Variants in DNAH8 observed in about 807,000 individuals in gnomAD.
DNAH8 encodes the protein axonemal beta dynein heavy chain 8.
In DNAH8, 382 loss-of-function variants were observed where a neutral mutation model predicts 562.1. That is an observed-to-expected ratio of 0.68 (90% CI 0.63 to 0.74). The LOEUF (loss-of-function observed/expected upper bound fraction) is 0.74, where lower values mean the gene tolerates loss of function less well. DNAH8 is among the 30% of genes least tolerant of loss of function. DNAH8 has a pLI of 0.00. For synonymous variants in DNAH8, 1,881 were observed against 1,919.4 expected, an observed-to-expected ratio of 0.98 and a Z score of 0.52; for missense variants, 5,203 against 5,620.4, an observed-to-expected ratio of 0.93 and a Z score of 2.37.
At chr6:38,769,129 T>C (rs72849152) in intron 11 of DNAH8, among the ~76,000 whole-genome samples, 18,653 of 152,214 alleles carry the variant, frequency 0.12, 1,392 homozygotes, top group Admixed American at 0.22. Flanking sequence ...GTATACTTTT[T>C]AGGAATAATT....
Position 38,815,614 on chromosome 6 carries a change from C to T in DNAH8, c.3480C>T (p.Asp1160=), listed in dbSNP as rs139961123. The change falls in exon 26 of 93, where the codon GAC becomes GAT. Residue 1160 remains aspartate, a synonymous_variant. Coordinates refer to ENST00000327475, the MANE Select transcript of DNAH8 (RefSeq NM_001206927.2). ...TCATTCCCAGCCCCACCACTACTGA[C>T]GTGACCCATCAAAACACAGGAAAAC... The part of the protein sequence containing the change: ...KSVIPSPTTT[D]VTHQNTGKLL... 5.3e-5 allele frequency: 86 copies of T among 1,613,730 alleles called. No homozygotes were observed. The East Asian group carries it at 1.2e-3, about 23-fold the overall frequency.
At chr6:38,745,874 A>G (rs1764884837) in intron 8 of DNAH8, among the ~76,000 whole-genome samples, 1 of 152,146 alleles carries the variant, frequency 6.6e-6, no homozygotes, top group Admixed American at 6.5e-5. Context: ...GCCAGAGTTG[A>G]TGTGCTCTTC....
rs1212860164 is a variant in DNAH8, at chr6:38,734,328, C to CA, written c.611-146_611-145insA. On this transcript the variant is annotated intron_variant, in intron 4 of 92. Coordinates refer to ENST00000327475, the MANE Select transcript of DNAH8 (RefSeq NM_001206927.2). ...TAATTATTGGCATCTTCTAGTAGAC[C>CA]CCCCCCCAAAAAAATTATTCTATGA... 23 of 597,528 alleles carry CA rather than the reference C, an allele frequency of 3.8e-5. 2 individuals carry two copies. The highest frequency in any genetic ancestry group is 1.1e-3 in the Middle Eastern group (2 of 1,824). 37.0% of individuals were successfully genotyped at this position (597,528 alleles called of 1,614,324 possible).
At position 38,923,516 on chromosome 6, in the gene DNAH8, G is replaced by C. The variant is rs1224722902; in HGVS notation, c.10790+331G>C. ...ATGGTTTGTTGTGGATCAATGGTTTGTTGTAAATGCAAGGCTGTCTTCTGC... is the reference window on the plus strand; with the variant it reads ...ATGGTTTGTTGTGGATCAATGGTTTCTTGTAAATGCAAGGCTGTCTTCTGC... On this transcript the variant is annotated intron_variant, in intron 72 of 92. Coordinates refer to ENST00000327475, the MANE Select transcript of DNAH8 (RefSeq NM_001206927.2). 5 of 192,382 alleles carry C rather than the reference G, an allele frequency of 2.6e-5. No homozygotes were observed. The East Asian group carries it at 6.7e-4, about 26-fold the overall frequency. The allele number at this position is 192,382 out of a possible 1,614,324, so 11.9% of individuals were successfully genotyped here.
At chr6:38,728,424 T>C (rs1763401185) in intron 3 of DNAH8, among the ~76,000 whole-genome samples, 1 of 97,562 alleles carries the variant, frequency 1.0e-5, no homozygotes, top group Non-Finnish European at 2.9e-5. Flanking sequence ...GATCTCACAT[T>C]TACTTTGCTA....
At chr6:38,926,904 G>A (rs1170207234) in intron 74 of DNAH8, among the ~76,000 whole-genome samples, 1 of 152,118 alleles carries the variant, frequency 6.6e-6, no homozygotes, top group Non-Finnish European at 1.5e-5. Context: ...TGTGTCCCCA[G>A]CTCAATATAA....
At chr6:38,906,128 C>G in intron 62 of DNAH8, 126 bp from the exon 63 acceptor site, 2 of 481,012 alleles carry the variant, frequency 4.2e-6, no homozygotes, top group Non-Finnish European at 7.4e-6. Flanking sequence ...AGGATGGTCT[C>G]GATCTCCTGA....
intron 8 of DNAH8, chr6:38,744,390 A>T (rs915781800): frequency 2.6e-5 from 4 of 152,154 alleles, no homozygotes; most frequent in Non-Finnish European, 5.9e-5. Flanking sequence ...ATCTCATTAA[A>T]AAAACTAAAA....
intron 41 of DNAH8, among the ~76,000 whole-genome samples, chr6:38,854,580 A>G (rs1776035316): frequency 6.6e-6 from 1 of 152,196 alleles, no homozygotes; most frequent in East Asian, 1.9e-4. Flanking sequence ...TAGTATTCTT[A>G]TTAGCATTAT....
At chr6:38,897,742 C>T (rs1457882650) in intron 60 of DNAH8, among the ~76,000 whole-genome samples, 4 of 152,080 alleles carry the variant, frequency 2.6e-5, no homozygotes, top group African/African-American at 7.2e-5. Flanking sequence ...GATTGGACCA[C>T]TGCACTCCAG....
intron 79 of DNAH8, among the ~76,000 whole-genome samples, chr6:38,942,904 G>A (rs1783577592): frequency 6.6e-6 from 1 of 152,230 alleles, no homozygotes; most frequent in Non-Finnish European, 1.5e-5. Flanking sequence ...AAGAGGGTGG[G>A]TAAACCAGAG....
rs878854276 is a variant in DNAH8, at chr6:38,911,592, AGGAAT to A, written c.9859+19_9859+23del. On this transcript the variant is annotated splice_region_variant and intron_variant, in intron 66 of 92. Coordinates refer to ENST00000327475, the MANE Select transcript of DNAH8 (RefSeq NM_001206927.2). ...GGCTGAACGTATGAATATTGGTAAG[AGGAAT>A]GGAATGGAATGGGATGGAATAGAAA... 6.8e-4 allele frequency: 1,056 copies of A among 1,554,786 alleles called. 12 individuals carry two copies. Among genetic ancestry groups the A allele is most frequent in the Admixed American group, 5.7e-4 (34 of 59,858 alleles).
At position 38,961,945 on chromosome 6, in the gene DNAH8, G is replaced by A. The variant is rs561252649; in HGVS notation, c.12452-9647G>A. ...TAACAAAAAATACAAATGAATCAAC[G>A]GAAAAACTATTAGACTTAATAGTCT... On this transcript the variant is annotated intron_variant, in intron 82 of 92. Coordinates refer to ENST00000327475, the MANE Select transcript of DNAH8 (RefSeq NM_001206927.2). Among the ~76,000 whole-genome samples the A allele has an allele frequency of 5.7e-4, 86 of 151,694 alleles. 1 individual carries two copies. In the South Asian group the frequency reaches 0.016, roughly 28 times the overall value.
intron 24 of DNAH8, among the ~76,000 whole-genome samples, chr6:38,808,397 C>T (rs2150308418): frequency 6.6e-6 from 1 of 152,256 alleles, no homozygotes; most frequent in South Asian, 2.1e-4. Context: ...GAAATGGCAT[C>T]TCATCAGGAT....
At chr6:38,772,971 C>CTTTTTTTTTTTTTTTTTTTTTTTTTT (rs58784448) in intron 12 of DNAH8, among the ~76,000 whole-genome samples, 7 of 88,086 alleles carry the variant, frequency 7.9e-5, no homozygotes, top group African/African-American at 1.5e-4. Flanking sequence ...GCTAATTAAA[C>CTTTTTTTTTTTTTTTTTTTTTTTTTT]TTTTTTTTTT....
At chr6:38,726,855 T>G (rs1028189512) in intron 3 of DNAH8, among the ~76,000 whole-genome samples, 1 of 138,990 alleles carries the variant, frequency 7.2e-6, no homozygotes, top group South Asian at 2.3e-4. Context: ...TCTTTAGTTT[T>G]TTTTTTTTTT....
In DNAH8 at chr6:38,852,884, CAGG is replaced by C. The variant is rs902337085; in HGVS notation, c.5571+92_5571+94del. 22 of 1,053,774 alleles carry C rather than the reference CAGG, an allele frequency of 2.1e-5. No individual in the cohort carries two copies. The East Asian group carries it at 2.3e-4, about 11-fold the overall frequency. The allele number at this position is 1,053,774 out of a possible 1,614,324, so 65.3% of individuals were successfully genotyped here. A position where few individuals can be genotyped will look rare whatever the true frequency, so the allele number is the denominator to read the frequency against. On this transcript the variant is annotated intron_variant, in intron 40 of 92. Transcript: ENST00000327475. ...AATACAGTTCTCTTACAGAAAAAAA[CAGG>C]AGGAGAGGGAGTTCTCATTCTACAG... is the stretch of plus-strand genomic sequence containing the variant.
At chr6:38,914,194 C>A (rs1781118433) in intron 67 of DNAH8, among the ~76,000 whole-genome samples, 1 of 151,870 alleles carries the variant, frequency 6.6e-6, no homozygotes, top group African/African-American at 2.4e-5. Context: ...CTCTCTTGTT[C>A]TTTTTCATCT....
intron 88 of DNAH8, among the ~76,000 whole-genome samples, chr6:38,991,036 G>A (rs909784992): frequency 6.6e-6 from 1 of 152,202 alleles, no homozygotes; most frequent in Non-Finnish European, 1.5e-5. Flanking sequence ...CCTAGTCCCT[G>A]GCCTACTGTT....
Sources: gnomAD v4.1 joint callset for allele counts (sites outside exome capture counted in the v4.1 genomes callset) on GRCh38, gnomAD v4.1.1 for gene constraint, MANE v1.5 for transcripts, NCBI Gene and HGNC (gene_info 2026-07-23, HGNC 2026-07-21) for gene names.